Variants in KCNH1 observed in about 807,000 individuals in gnomAD.
KCNH1 encodes potassium voltage-gated channel subfamily H member 1.
KCNH1 carries 27 observed loss-of-function variants against 69.2 expected under a neutral mutation model. That is an observed-to-expected ratio of 0.39 (90% CI 0.29 to 0.54). The LOEUF (loss-of-function observed/expected upper bound fraction) is 0.54. KCNH1 is among the 20% of genes least tolerant of loss of function. The pLI is 0.68. For synonymous variants in KCNH1, 456 were observed against 487.7 expected (o/e 0.93, Z 0.86); for missense variants, 798 against 1,261.6 (o/e 0.63, Z 5.57).
chr1:210,985,531 T>C (rs1372708926), intron 6 of KCNH1, among the ~76,000 whole-genome samples: 1 of 152,232 alleles, frequency 6.6e-6, no homozygotes. Flanking sequence ...TGCCTTCATT[T>C]CGTTATGTAC....
intron 1 of KCNH1, among the ~76,000 whole-genome samples, chr1:211,119,606 C>G (rs544670419): frequency 1.3e-5 from 2 of 151,450 alleles, no homozygotes; most frequent in East Asian, 3.9e-4. Context: ...GAATGAGAAA[C>G]AAGAAATTAA....
At chr1:211,024,819 C>A (rs1571587211) in intron 5 of KCNH1, among the ~76,000 whole-genome samples, 1 of 151,542 alleles carries the variant, frequency 6.6e-6, no homozygotes, top group Non-Finnish European at 1.5e-5. Context: ...AAAAAAAAAA[C>A]AGCAAGGAAG....
intron 7 of KCNH1, among the ~76,000 whole-genome samples, chr1:210,899,865 A>T (rs1019003824): frequency 6.6e-6 from 1 of 152,252 alleles, no homozygotes; most frequent in Non-Finnish European, 1.5e-5. Context: ...GTCAAATGCT[A>T]AGGCCCAGGC....
At chr1:210,842,742 T>A (rs768412961) in intron 7 of KCNH1, among the ~76,000 whole-genome samples, 2 of 152,138 alleles carry the variant, frequency 1.3e-5, no homozygotes. Flanking sequence ...GTCTCTAGCA[T>A]CTTACCCACA....
intron 5 of KCNH1, among the ~76,000 whole-genome samples, chr1:211,042,675 C>G (rs1350273222): frequency 6.6e-6 from 1 of 152,170 alleles, no homozygotes; most frequent in Non-Finnish European, 1.5e-5. Flanking sequence ...ACATTCTATT[C>G]ATCAGCACAT....
At chr1:210,723,516 G>A (rs1320342902) in intron 10 of KCNH1, among the ~76,000 whole-genome samples, 2 of 152,152 alleles carry the variant, frequency 1.3e-5, no homozygotes, top group Non-Finnish European at 2.9e-5. Context: ...CTTTCCAAAT[G>A]TTTCTTTCCT....
chr1:210,694,578 C>T (rs1681597642), intron 10 of KCNH1, among the ~76,000 whole-genome samples: 1 of 152,218 alleles, frequency 6.6e-6, no homozygotes, highest in Non-Finnish European at 1.5e-5. Flanking sequence ...AGTGAGGGGT[C>T]TGCAGTCCAA....
chr1:211,052,558 T>C (rs960084246), intron 5 of KCNH1, among the ~76,000 whole-genome samples: 2 of 152,160 alleles, frequency 1.3e-5, no homozygotes, highest in African/African-American at 4.8e-5. Context: ...TTTCCCCTAG[T>C]CTGAGGAGCC....
chr1:210,763,339 C>A (rs1683560140), intron 10 of KCNH1, among the ~76,000 whole-genome samples: 1 of 152,080 alleles, frequency 6.6e-6, no homozygotes, highest in South Asian at 2.1e-4. Flanking sequence ...ACTCTCATCA[C>A]TCCTATTCAA....
At chr1:210,975,943 T>C (rs1480196416) in intron 6 of KCNH1, among the ~76,000 whole-genome samples, 1 of 152,314 alleles carries the variant, frequency 6.6e-6, no homozygotes, top group South Asian at 2.1e-4. Flanking sequence ...AGGCGAAGGA[T>C]ATGAACAGAC....
At chr1:210,747,860 CT>C (rs1683197107) in intron 10 of KCNH1, among the ~76,000 whole-genome samples, 1 of 152,146 alleles carries the variant, frequency 6.6e-6, no homozygotes, top group South Asian at 2.1e-4. Flanking sequence ...CATTTTCCCC[CT>C]AGCTGCACCA....
At chr1:210,910,961 C>T (rs553994583) in intron 7 of KCNH1, among the ~76,000 whole-genome samples, 1 of 152,296 alleles carries the variant, frequency 6.6e-6, no homozygotes, top group African/African-American at 2.4e-5. Flanking sequence ...AAAGCTTATT[C>T]CATGAACACT....
At chr1:210,977,929 C>T (rs971304587) in intron 6 of KCNH1, among the ~76,000 whole-genome samples, 2 of 152,048 alleles carry the variant, frequency 1.3e-5, no homozygotes, top group African/African-American at 4.8e-5. Context: ...AAAATCTGCT[C>T]TTCTACCTAT....
At chr1:210,953,783 C>T (rs966770466) in intron 6 of KCNH1, among the ~76,000 whole-genome samples, 2 of 152,174 alleles carry the variant, frequency 1.3e-5, no homozygotes, top group Admixed American at 6.5e-5. Flanking sequence ...CCTTCGATCT[C>T]TTACTTCTAC....
At chr1:210,842,720 A>G (rs1558492800) in intron 7 of KCNH1, among the ~76,000 whole-genome samples, 1 of 152,200 alleles carries the variant, frequency 6.6e-6, no homozygotes, top group Non-Finnish European at 1.5e-5. Flanking sequence ...CTAGATCATT[A>G]GTGCAAGAGT....
rs1332519607 is a variant in KCNH1, at chr1:210,919,060, A to C, written c.1462+580T>G. On this transcript the variant is annotated intron_variant, in intron 7 of 10. Coordinates refer to ENST00000271751, the MANE Select transcript of KCNH1 (RefSeq NM_172362.3). The surrounding 1 kb of genome is among the most constrained non-coding windows in gnomAD (Gnocchi z 4.2). ...TGTAGCATGACGGCTATAGTTAATA[A>C]TACTGTAATGCCTACAGGAAATTTG... The C allele has an allele frequency of 6.5e-6, 1 of 153,136 alleles. No homozygotes were observed. The highest frequency in any genetic ancestry group is 1.5e-5 in the Non-Finnish European group (1 of 68,734). 9.5% of individuals were successfully genotyped at this position (153,136 alleles called of 1,614,324 possible). A position where few individuals can be genotyped will look rare whatever the true frequency, so the allele number is the denominator to read the frequency against.
chr1:210,694,478 A>T lies in KCNH1; in HGVS notation c.2113-10340T>A, dbSNP rs930116352. ...GTGGGAGTAGGCAGTATTCCCATCC[A>T]TGCTGCCTGAGCCCTCTGTCTGCAG... On this transcript the variant is annotated intron_variant, in intron 10 of 10. Transcript: ENST00000271751. 2.6e-5 allele frequency among the ~76,000 whole-genome samples: 4 copies of T among 152,034 alleles called. 1 individual carries two copies. The highest frequency in any genetic ancestry group is 5.9e-5 in the Non-Finnish European group (4 of 68,000).
At chr1:210,852,736 G>A (rs1034780450) in intron 7 of KCNH1, among the ~76,000 whole-genome samples, 7 of 152,156 alleles carry the variant, frequency 4.6e-5, no homozygotes, top group African/African-American at 1.4e-4. Flanking sequence ...ACATTATGTA[G>A]GTTACAGGTT....
At chr1:210,779,154 G>C (rs1683924324) in intron 9 of KCNH1, among the ~76,000 whole-genome samples, 1 of 152,156 alleles carries the variant, frequency 6.6e-6, no homozygotes, top group African/African-American at 2.4e-5. Context: ...ACTACAAAAA[G>C]TATTTCACAG....
Sources: allele counts gnomAD v4.1 joint callset (sites outside exome capture counted in the v4.1 genomes callset), GRCh38; gene constraint gnomAD v4.1.1; non-coding constraint Gnocchi (gnomAD v3.1); transcripts MANE v1.5; gene names NCBI Gene and HGNC (gene_info 2026-07-23, HGNC 2026-07-21).